Variants in AKAP19 observed in about 807,000 individuals in gnomAD.
AKAP19 encodes small A-kinase anchoring protein.
chr2:190,121,720 G>A, the AKAP19 span, among the ~76,000 whole-genome samples: 2 of 152,098 alleles, frequency 1.3e-5, no homozygotes, highest in East Asian at 3.8e-4. Context: ...ATTATAGACA[G>A]GTAGACTTTT....
At chr2:189,900,167 T>A in the AKAP19 span, among the ~76,000 whole-genome samples, 10 of 152,224 alleles carry the variant, frequency 6.6e-5, no homozygotes, top group Non-Finnish European at 1.2e-4. Context: ...TGTTGCAATT[T>A]AGTTTGTTTC....
chr2:189,971,067 T>C, the AKAP19 span, among the ~76,000 whole-genome samples: 1 of 152,102 alleles, frequency 6.6e-6, no homozygotes, highest in Non-Finnish European at 1.5e-5. Flanking sequence ...GTGTGCCTTG[T>C]TGGTGTGCTG....
the AKAP19 span, among the ~76,000 whole-genome samples, chr2:190,127,531 C>T: frequency 6.6e-6 from 1 of 151,918 alleles, no homozygotes; most frequent in Non-Finnish European, 1.5e-5. Context: ...TATACTATTA[C>T]AAAATAAAAA....
At chr2:189,982,034 TC>T in the AKAP19 span, among the ~76,000 whole-genome samples, 1 of 144,086 alleles carries the variant, frequency 6.9e-6, no homozygotes, top group Non-Finnish European at 1.5e-5. Flanking sequence ...ATTTCTTAAA[TC>T]TGGGTGTTGA....
At chr2:189,897,240 A>G in the AKAP19 span, among the ~76,000 whole-genome samples, 5 of 152,164 alleles carry the variant, frequency 3.3e-5, no homozygotes, top group African/African-American at 4.8e-5. Context: ...ATTAAAAAGC[A>G]AATCATTTTT....
chr2:189,918,364 C>T, the AKAP19 span, among the ~76,000 whole-genome samples: 1 of 152,132 alleles, frequency 6.6e-6, no homozygotes, highest in Admixed American at 6.5e-5. Context: ...TACCACACTC[C>T]CTTTTCCTTC....
chr2:190,075,104 C>A, the AKAP19 span, among the ~76,000 whole-genome samples: 2 of 152,170 alleles, frequency 1.3e-5, no homozygotes, highest in African/African-American at 4.8e-5. Context: ...TTCTAAGTCA[C>A]ACACAATACA....
the AKAP19 span, among the ~76,000 whole-genome samples, chr2:190,178,588 C>A: frequency 6.6e-6 from 1 of 152,178 alleles, no homozygotes; most frequent in Admixed American, 6.5e-5. The surrounding 1 kb of genome is among the most constrained non-coding windows in gnomAD (Gnocchi z 6.3). Context: ...GGGTCTCCCC[C>A]ACCAGCTTGG....
the AKAP19 span, among the ~76,000 whole-genome samples, chr2:190,119,635 G>A: frequency 6.6e-6 from 1 of 152,048 alleles, no homozygotes; most frequent in Non-Finnish European, 1.5e-5. Context: ...TAAGAGCCAG[G>A]GTTTTCATGC....
the AKAP19 span, among the ~76,000 whole-genome samples, chr2:189,976,598 G>T: frequency 1.1e-4 from 16 of 152,346 alleles, no homozygotes; most frequent in African/African-American, 3.8e-4. Flanking sequence ...AGGCAGGCAG[G>T]CCTCCTTGAG....
chr2:190,142,530 A>G, the AKAP19 span, among the ~76,000 whole-genome samples: 1 of 152,184 alleles, frequency 6.6e-6, no homozygotes, highest in Non-Finnish European at 1.5e-5. Flanking sequence ...CTTGACATCC[A>G]CAATTCCAAG....
At chr2:189,968,709 C>G in the AKAP19 span, among the ~76,000 whole-genome samples, 2 of 151,862 alleles carry the variant, frequency 1.3e-5, no homozygotes, top group Non-Finnish European at 2.9e-5. Flanking sequence ...ACAAAGGCCC[C>G]CTTCATAAGC....
chr2:190,003,872 A>G, the AKAP19 span, among the ~76,000 whole-genome samples: 1 of 149,878 alleles, frequency 6.7e-6, no homozygotes, highest in African/African-American at 2.5e-5. Context: ...GTATAAAGAG[A>G]AAAAAAAAAG....
the AKAP19 span, among the ~76,000 whole-genome samples, chr2:190,163,751 G>T: frequency 6.6e-6 from 1 of 152,146 alleles, no homozygotes; most frequent in Non-Finnish European, 1.5e-5. Context: ...CTAAATCAAT[G>T]ACTTAGTATA....
At chr2:189,963,768 C>CTT in the AKAP19 span, among the ~76,000 whole-genome samples, 51 of 145,518 alleles carry the variant, frequency 3.5e-4, no homozygotes, top group Non-Finnish European at 5.0e-4. Context: ...TAATATATTT[C>CTT]TTTTTTTTTT....
chr2:190,060,070 C>T, the AKAP19 span: 10 of 1,612,018 alleles, frequency 6.2e-6, no homozygotes, highest in Non-Finnish European at 8.5e-6. Flanking sequence ...ACCAGCCCAT[C>T]TTCTCCTGGT....
chr2:190,090,553 A>G, the AKAP19 span, among the ~76,000 whole-genome samples: 39 of 152,304 alleles, frequency 2.6e-4, no homozygotes, highest in African/African-American at 9.1e-4. Context: ...TTTTCTACTT[A>G]TGTATAGCCT....
the AKAP19 span, among the ~76,000 whole-genome samples, chr2:190,052,954 T>C: frequency 6.6e-6 from 1 of 152,348 alleles, no homozygotes; most frequent in South Asian, 2.1e-4. Context: ...ATAGAACTAA[T>C]AAAATGACAT....
At chr2:190,034,595 A>G in the AKAP19 span, among the ~76,000 whole-genome samples, 1 of 146,684 alleles carries the variant, frequency 6.8e-6, no homozygotes, top group East Asian at 2.1e-4. Flanking sequence ...CTGTAACCCC[A>G]GAACTTTGGG....
Sources: gnomAD v4.1 joint callset for allele counts (sites outside exome capture counted in the v4.1 genomes callset) on GRCh38, gnomAD v4.1.1 for gene constraint, Gnocchi (gnomAD v3.1) non-coding constraint, MANE v1.5 for transcripts, NCBI Gene and HGNC (gene_info 2026-07-23, HGNC 2026-07-21) for gene names.